Variants in SMOC1 observed in about 807,000 individuals in gnomAD.
The protein encoded by SMOC1 is SPARC-related modular calcium-binding protein 1.
Under a neutral mutation model 56.3 loss-of-function variants are expected in SMOC1, and 22 were observed. The ratio of observed to expected loss-of-function variants is 0.39; its 90% CI spans 0.28 to 0.56. The LOEUF is 0.56. Among genes scored for constraint, SMOC1 ranks in the 20% least tolerant of loss-of-function variants. The pLI is 0.61. For missense variants in SMOC1, 509 were observed against 565.4 expected (o/e 0.90, Z 1.01); for synonymous variants, 193 against 215.0 (o/e 0.90, Z 0.89).
intron 1 of SMOC1, among the ~76,000 whole-genome samples, chr14:69,912,725 C>T (rs1006768951): frequency 6.6e-6 from 1 of 152,190 alleles, no homozygotes; most frequent in African/African-American, 2.4e-5. Flanking sequence ...CACTTGCTTT[C>T]CAGGCAGGAG....
chr14:69,970,020 A>C (rs1883702104), intron 3 of SMOC1, among the ~76,000 whole-genome samples: 1 of 152,138 alleles, frequency 6.6e-6, no homozygotes, highest in Non-Finnish European at 1.5e-5. Context: ...GAGTGAAAGA[A>C]GAAGCAACAA....
chr14:69,943,895 T>C (rs1882678475), intron 1 of SMOC1, among the ~76,000 whole-genome samples: 1 of 152,232 alleles, frequency 6.6e-6, no homozygotes, highest in Non-Finnish European at 1.5e-5. Context: ...CAAAGCCCTT[T>C]CTGCCCCTCA....
At position 69,893,961 on chromosome 14, in the gene SMOC1, C is replaced by A. The variant is rs182397879; in HGVS notation, c.99+14184C>A. ...GGGACATGATTGCCATGTGATAAGGCAGCAAGAGGGTAGCCATCTTCAAGC... is the reference window on the plus strand; with the variant it reads ...GGGACATGATTGCCATGTGATAAGGAAGCAAGAGGGTAGCCATCTTCAAGC... On this transcript the variant is annotated intron_variant, in intron 1 of 11. Coordinates refer to ENST00000361956, the MANE Select transcript of SMOC1 (RefSeq NM_001034852.3). Among the ~76,000 whole-genome samples the A allele has an allele frequency of 1.5e-3, 231 of 152,262 alleles. 1 individual carries two copies. The highest frequency in any genetic ancestry group is 4.0e-3 in the African/African-American group (165 of 41,554).
At position 69,879,464 on chromosome 14, in the gene SMOC1, C is replaced by T. The variant is rs891689283; in HGVS notation, c.-215C>T. ...GGGCCCCGCCGAGCGGAGCTAGCGC[C>T]GCGCGCAGAGCACACGCTCGCGCTC... On this transcript the variant is annotated 5_prime_UTR_variant, in exon 1 of 12. Coordinates refer to ENST00000361956, the MANE Select transcript of SMOC1 (RefSeq NM_001034852.3). The T allele has an allele frequency of 1.7e-5, 7 of 404,118 alleles. No homozygotes were observed. Among genetic ancestry groups the T allele is most frequent in the African/African-American group, 1.5e-4 (7 of 47,484 alleles). The allele number at this position is 404,118 out of a possible 1,614,324, so 25.0% of individuals were successfully genotyped here. A position where few individuals can be genotyped will look rare whatever the true frequency, so the allele number is the denominator to read the frequency against.
In SMOC1 at chr14:70,008,792, C is replaced by T. The variant is rs187999100; in HGVS notation, c.665-1962C>T. On this transcript the variant is annotated intron_variant, in intron 7 of 11. Coordinates refer to ENST00000361956, the MANE Select transcript of SMOC1 (RefSeq NM_001034852.3). ...AAAGCTGTTTTCCTTTGGTTTTGCT[C>T]CTCTATTGCCTCTTTCATGGCATGA... Among the ~76,000 whole-genome samples, 140 of 152,324 alleles carry T rather than the reference C, an allele frequency of 9.2e-4. 5 individuals are homozygous for T. The East Asian group carries it at 0.022, about 24-fold the overall frequency.
intron 11 of SMOC1, among the ~76,000 whole-genome samples, chr14:70,029,786 C>T (rs571522613): frequency 6.6e-6 from 1 of 152,174 alleles, no homozygotes; most frequent in Non-Finnish European, 1.5e-5. Context: ...ACTTAAGCTC[C>T]CATTTTCAGG....
intron 3 of SMOC1, among the ~76,000 whole-genome samples, chr14:69,968,648 C>A (rs543577099): frequency 6.6e-6 from 1 of 152,298 alleles, no homozygotes; most frequent in Admixed American, 6.5e-5. Flanking sequence ...CCCTGCTATC[C>A]GATTTGGAGT....
chr14:69,998,996 T>C (rs191375466), intron 7 of SMOC1, among the ~76,000 whole-genome samples: 3 of 152,272 alleles, frequency 2.0e-5, no homozygotes, highest in Admixed American at 2.0e-4. Context: ...CTCTACATCA[T>C]TGAATGGAGC....
chr14:69,905,930 C>A (rs2139335692), intron 1 of SMOC1, among the ~76,000 whole-genome samples: 1 of 152,262 alleles, frequency 6.6e-6, no homozygotes, highest in Admixed American at 6.5e-5. Flanking sequence ...GATATTTGTG[C>A]ATATTCTAAA....
chr14:69,923,349 T>C (rs988357799), intron 1 of SMOC1, among the ~76,000 whole-genome samples: 2 of 152,216 alleles, frequency 1.3e-5, no homozygotes, highest in Non-Finnish European at 2.9e-5. Flanking sequence ...TATTTAATTA[T>C]TTCTACGTAA....
intron 1 of SMOC1, chr14:69,885,679 C>G (rs944994651): frequency 1.2e-4 from 170 of 1,448,212 alleles, no homozygotes; most frequent in Non-Finnish European, 1.6e-4. Context: ...AAATCACCAC[C>G]AGCTGAGCTT....
At chr14:70,015,220 A>G (rs1885466584) in intron 10 of SMOC1, among the ~76,000 whole-genome samples, 1 of 152,226 alleles carries the variant, frequency 6.6e-6, no homozygotes. Flanking sequence ...TTCCACGTAC[A>G]TGAGGTACCT....
intron 1 of SMOC1, among the ~76,000 whole-genome samples, chr14:69,888,075 G>A (rs775209904): frequency 2.0e-4 from 31 of 152,186 alleles, no homozygotes; most frequent in Non-Finnish European, 3.8e-4. Flanking sequence ...GGTAGAGGAT[G>A]TCAGTGTGGA....
At chr14:69,960,901 C>G (rs1222316034) in intron 3 of SMOC1, among the ~76,000 whole-genome samples, 2 of 152,070 alleles carry the variant, frequency 1.3e-5, no homozygotes, top group Non-Finnish European at 2.9e-5. Context: ...AAAATAATAA[C>G]TGTATTGACA....
intron 3 of SMOC1, among the ~76,000 whole-genome samples, chr14:69,971,938 G>A (rs1381195511): frequency 1.3e-5 from 2 of 152,108 alleles, no homozygotes; most frequent in East Asian, 3.9e-4. Flanking sequence ...TCTGGCTCTG[G>A]CATTTTTGAG....
chr14:69,923,838 G>A (rs1376124063), intron 1 of SMOC1, among the ~76,000 whole-genome samples: 4 of 152,202 alleles, frequency 2.6e-5, no homozygotes, highest in Admixed American at 2.6e-4. Flanking sequence ...AATAGGGCAG[G>A]AGAAGAGGCT....
At chr14:69,922,983 C>A (rs998460001) in intron 1 of SMOC1, among the ~76,000 whole-genome samples, 2 of 147,242 alleles carry the variant, frequency 1.4e-5, no homozygotes, top group Non-Finnish European at 3.0e-5. Flanking sequence ...CTCGCTTTGT[C>A]GTCCAGGCTG....
chr14:69,980,540 A>G (rs1264831752), intron 5 of SMOC1, among the ~76,000 whole-genome samples: 1 of 152,142 alleles, frequency 6.6e-6, no homozygotes, highest in Admixed American at 6.5e-5. Flanking sequence ...CACCTGTAGG[A>G]CGCCACACCT....
Position 69,975,712 on chromosome 14 carries a change from C to G in SMOC1, c.379-3C>G. ...TTTCTTCCCTTTTCACTTCCCTGAA[C>G]AGGTGCAGTGCCATACTTACACTGG... On this transcript the variant is annotated splice_region_variant and splice_polypyrimidine_tract_variant and intron_variant, in intron 3 of 11. Transcript: ENST00000361956. 1 of 1,609,422 alleles carries G rather than the reference C, an allele frequency of 6.2e-7. No homozygotes were observed. The highest frequency in any genetic ancestry group is 8.5e-7 in the Non-Finnish European group (1 of 1,176,604).
Sources: allele counts gnomAD v4.1 joint callset (sites outside exome capture counted in the v4.1 genomes callset), GRCh38; gene constraint gnomAD v4.1.1; transcripts MANE v1.5; gene names NCBI Gene and HGNC (gene_info 2026-07-23, HGNC 2026-07-21).